Variants in SESN3 observed in about 807,000 individuals in gnomAD.
SESN3 encodes sestrin 3.
In SESN3, 21 loss-of-function variants were observed where a neutral mutation model predicts 55.3. That is an observed-to-expected ratio of 0.38 (90% CI 0.27 to 0.55). The LOEUF (loss-of-function observed/expected upper bound fraction) is 0.55. Among genes scored for constraint, SESN3 ranks in the 20% least tolerant of loss-of-function variants. The probability of loss-of-function intolerance (pLI) is 0.76; values close to 1 mark genes in which losing one functional copy is unlikely to be tolerated. For missense variants in SESN3, 408 were observed against 604.3 expected (o/e 0.68, Z 3.41); for synonymous variants, 181 against 203.1 (o/e 0.89, Z 0.93).
rs1859769903 is a variant in SESN3, at chr11:95,167,428, T to C, written c.*5827A>G. The C allele has an allele frequency of 1.3e-5, 2 of 151,902 alleles. No individual in the cohort carries two copies. Among genetic ancestry groups the C allele is most frequent in the South Asian group, 4.1e-4 (2 of 4,824 alleles). 9.4% of individuals were successfully genotyped at this position (151,902 alleles called of 1,614,324 possible). A position where few individuals can be genotyped will look rare whatever the true frequency, so the allele number is the denominator to read the frequency against. On this transcript the variant is annotated 3_prime_UTR_variant, in exon 10 of 10. Coordinates refer to ENST00000536441, the MANE Select transcript of SESN3 (RefSeq NM_144665.4). ...GGTATGCCCTGCACGATCTCAAAGA[T>C]TTCCACAAGCATTCAAAAGAATCAG...
At chr11:95,181,675 C>A (rs536099146) in intron 6 of SESN3, among the ~76,000 whole-genome samples, 20 of 152,186 alleles carry the variant, frequency 1.3e-4, no homozygotes, top group South Asian at 1.0e-3. Flanking sequence ...CAGAATATGA[C>A]CCCTGTAGAA....
intron 1 of SESN3, among the ~76,000 whole-genome samples, chr11:95,223,638 G>C (rs1480123571): frequency 6.6e-6 from 1 of 152,190 alleles, no homozygotes; most frequent in African/African-American, 2.4e-5. Flanking sequence ...GCATCTGCAA[G>C]TGATACACAC....
intron 1 of SESN3, among the ~76,000 whole-genome samples, chr11:95,218,837 G>A (rs1295507664): frequency 1.3e-5 from 2 of 152,008 alleles, no homozygotes; most frequent in African/African-American, 4.8e-5. Flanking sequence ...TTTGTTTAGT[G>A]GAGATGGGGT....
At chr11:95,199,532 T>C (rs1420332437) in intron 1 of SESN3, among the ~76,000 whole-genome samples, 1 of 152,048 alleles carries the variant, frequency 6.6e-6, no homozygotes, top group Non-Finnish European at 1.5e-5. Flanking sequence ...AGGATATAAA[T>C]TGATCCCAAC....
chr11:95,194,290 C>T (rs1014298834), intron 1 of SESN3, among the ~76,000 whole-genome samples: 6 of 152,034 alleles, frequency 3.9e-5, no homozygotes, highest in African/African-American at 1.4e-4. Flanking sequence ...ACTAGGTAAC[C>T]TGAGTCTTTT....
In SESN3 at chr11:95,191,931, T is replaced by C. The variant is rs150416937; in HGVS notation, c.145-330A>G. 5.3e-5 allele frequency among the ~76,000 whole-genome samples: 8 copies of C among 152,192 alleles called. 1 individual carries two copies. The East Asian group carries it at 1.5e-3, about 29-fold the overall frequency. On this transcript the variant is annotated intron_variant, in intron 2 of 9. Coordinates refer to ENST00000536441, the MANE Select transcript of SESN3 (RefSeq NM_144665.4). Reference sequence around the variant, plus strand: ...ATTTGCCTGGCCATTGTCACACCAATGTGTGGTAAAGCACAGGCAGTAGCA... The same window carrying C: ...ATTTGCCTGGCCATTGTCACACCAACGTGTGGTAAAGCACAGGCAGTAGCA...
intron 1 of SESN3, among the ~76,000 whole-genome samples, chr11:95,199,354 C>A (rs1245133101): frequency 6.6e-6 from 1 of 151,894 alleles, no homozygotes; most frequent in African/African-American, 2.4e-5. Flanking sequence ...TTTACAGATA[C>A]CTCATTATAG....
At chr11:95,185,183 A>G in intron 5 of SESN3, 73 bp downstream of exon 5, 1 of 850,948 alleles carries the variant, frequency 1.2e-6, no homozygotes, top group South Asian at 1.6e-5. Flanking sequence ...TTGGAGAAAA[A>G]TTCTCTCTAG....
At chr11:95,178,953 C>T (rs1481791446) in intron 6 of SESN3, 125 bp from the exon 7 acceptor site, 13 of 567,236 alleles carry the variant, frequency 2.3e-5, no homozygotes, top group East Asian at 2.7e-5. Flanking sequence ...ACATGGACTC[C>T]GTGACTTTAT....
At chr11:95,206,800 C>T (rs1371946934) in intron 1 of SESN3, among the ~76,000 whole-genome samples, 2 of 150,872 alleles carry the variant, frequency 1.3e-5, no homozygotes, top group Non-Finnish European at 2.9e-5. Flanking sequence ...CTAAACATTA[C>T]TATTTTTTTT....
At chr11:95,185,557 G>A in intron 4 of SESN3, 65 bp from the exon 5 acceptor site, 1 of 1,010,176 alleles carries the variant, frequency 9.9e-7, no homozygotes, top group Non-Finnish European at 1.5e-6. Context: ...AAATTTCAAT[G>A]AAAATCTACC....
In SESN3 at chr11:95,172,072, A is replaced by T. The variant is rs1859860841; in HGVS notation, c.*1183T>A. On this transcript the variant is annotated 3_prime_UTR_variant, in exon 10 of 10. Transcript: ENST00000536441. ...CCTGTGCAATAAAGAAATTTGAAAAAAATTTCTTTATGGCTCTGTTTAAAA... is the reference window on the plus strand; with the variant it reads ...CCTGTGCAATAAAGAAATTTGAAAATAATTTCTTTATGGCTCTGTTTAAAA... The T allele has an allele frequency of 6.6e-6, 1 of 152,146 alleles. No individual in the cohort carries two copies. Among genetic ancestry groups the T allele is most frequent in the Non-Finnish European group, 1.5e-5 (1 of 68,008 alleles). The allele number at this position is 152,146 out of a possible 1,614,324, so 9.4% of individuals were successfully genotyped here. A position where few individuals can be genotyped will look rare whatever the true frequency, so the allele number is the denominator to read the frequency against.
chr11:95,192,736 G>GCGTA (rs1361540426), intron 2 of SESN3, among the ~76,000 whole-genome samples: 6 of 152,056 alleles, frequency 3.9e-5, no homozygotes, highest in Admixed American at 6.6e-5. Flanking sequence ...AACTACAATG[G>GCGTA]CGTAACTCAT....
intron 8 of SESN3, 64 bp from the exon 9 acceptor site, chr11:95,175,706 A>C (rs1300718129): frequency 3.7e-6 from 5 of 1,339,738 alleles, no homozygotes; most frequent in Non-Finnish European, 5.2e-6. Flanking sequence ...CCAAAGTTAT[A>C]CTAAGGACAT....
chr11:95,176,034 T>C (rs1859948804), intron 8 of SESN3, among the ~76,000 whole-genome samples: 4 of 152,170 alleles, frequency 2.6e-5, no homozygotes. Flanking sequence ...TTTGAACAAA[T>C]ACCAGATGGT....
chr11:95,173,456 C>A, intron 9 of SESN3, 115 bp from the exon 10 acceptor site: 1 of 498,884 alleles, frequency 2.0e-6, no homozygotes. Flanking sequence ...CACACACACA[C>A]CTAGGCATAT....
chr11:95,222,747 A>G (rs541439209), intron 1 of SESN3, among the ~76,000 whole-genome samples: 7 of 152,330 alleles, frequency 4.6e-5, no homozygotes, highest in Admixed American at 2.0e-4. Flanking sequence ...AAGATTAGAA[A>G]AGGCTTTTTG....
At chr11:95,173,542 T>C (rs1395261560) in intron 9 of SESN3, among the ~76,000 whole-genome samples, 2 of 152,110 alleles carry the variant, frequency 1.3e-5, no homozygotes, top group Non-Finnish European at 2.9e-5. Context: ...CCATAAAATC[T>C]AAAAAATTCT....
chr11:95,190,295 CATA>C (rs1226421953), intron 3 of SESN3, among the ~76,000 whole-genome samples: 2 of 151,884 alleles, frequency 1.3e-5, no homozygotes, highest in Non-Finnish European at 2.9e-5. Context: ...CTACTTAAAA[CATA>C]ATAAAATCTC....
Sources: allele counts gnomAD v4.1 joint callset (sites outside exome capture counted in the v4.1 genomes callset), GRCh38; gene constraint gnomAD v4.1.1; transcripts MANE v1.5; gene names NCBI Gene and HGNC (gene_info 2026-07-23, HGNC 2026-07-21).